Variants in HPS1 observed in about 807,000 individuals in gnomAD.
The protein encoded by HPS1 is HPS1 biogenesis of lysosomal organelles complex 3 subunit 1, also known as BLOC-3 complex member HPS1.
In HPS1, 59 loss-of-function variants were observed where a neutral mutation model predicts 90.6. That is an observed-to-expected ratio of 0.65 (90% CI 0.53 to 0.81). The LOEUF (loss-of-function observed/expected upper bound fraction) is 0.81. HPS1 is among the 30% of genes least tolerant of loss of function. HPS1 has a pLI of 0.00. For synonymous variants in HPS1, 388 were observed against 384.4 expected (o/e 1.01, Z -0.11); for missense variants, 849 against 896.7 (o/e 0.95, Z 0.68).
At chr10:98,425,155 G>A (rs1481134622) in intron 13 of HPS1, among the ~76,000 whole-genome samples, 2 of 152,160 alleles carry the variant, frequency 1.3e-5, no homozygotes, top group Non-Finnish European at 2.9e-5. Context: ...TGAGCCCGGG[G>A]ACACAGCCCC....
In HPS1 at chr10:98,417,645, G is replaced by A. The variant is rs1414731753; in HGVS notation, c.2022C>T (p.Val674=). Residue 674 remains valine, a synonymous_variant, in exon 20 of 20, where the codon GTC becomes GTT. Transcript: ENST00000361490. This position sits in a 1 kb window ranked among gnomAD's most constrained non-coding sequence, Gnocchi z 4.2. The stretch of plus-strand genomic sequence containing the variant: ...GCTGCACCAGCAGGTCAGTGGGGAT[G>A]ACAGACAGGTGCAGGGCCAGCAGCT... ...CYELLALHLS[V]IPTDLLVQQA... is the part of the protein sequence containing the mutation. 1 of 1,613,780 alleles carries A rather than the reference G, an allele frequency of 6.2e-7. No individual in the cohort carries two copies. The highest frequency in any genetic ancestry group is 8.5e-7 in the Non-Finnish European group (1 of 1,179,962).
chr10:98,421,766 C>A (rs1564830614), intron 17 of HPS1, among the ~76,000 whole-genome samples: 1 of 152,190 alleles, frequency 6.6e-6, no homozygotes, highest in Non-Finnish European at 1.5e-5. Flanking sequence ...CTTCATAACT[C>A]TGTGATGTAA....
At chr10:98,438,646 T>C (rs192017239) in intron 3 of HPS1, among the ~76,000 whole-genome samples, 2 of 152,304 alleles carry the variant, frequency 1.3e-5, no homozygotes, top group East Asian at 1.9e-4. Context: ...TTGGGACTTA[T>C]GTTTAAAAGG....
intron 14 of HPS1, 122 bp from the exon 15 acceptor site, chr10:98,424,009 A>T (rs1480638447): frequency 1.2e-5 from 16 of 1,357,074 alleles, no homozygotes; most frequent in Non-Finnish European, 1.5e-5. Flanking sequence ...CCCCTTGTGG[A>T]CCACCCCACT....
At chr10:98,434,461 G>A (rs1407886455) in intron 5 of HPS1, among the ~76,000 whole-genome samples, 1 of 149,870 alleles carries the variant, frequency 6.7e-6, no homozygotes, top group Non-Finnish European at 1.5e-5. Context: ...CAGCCATCTC[G>A]GATGCTGGCA....
In HPS1 at chr10:98,445,708, G is replaced by T; in HGVS notation, c.-105-304C>A. Among the ~76,000 whole-genome samples, 1 of 152,216 alleles carries T rather than the reference G, an allele frequency of 6.6e-6. No homozygotes were observed. Among genetic ancestry groups the T allele is most frequent in the East Asian group, 1.9e-4 (1 of 5,186 alleles). On this transcript the variant is annotated intron_variant, in intron 1 of 19. Transcript: ENST00000361490. The surrounding 1 kb of genome is among the most constrained non-coding windows in gnomAD (Gnocchi z 4.5). Reference sequence around the variant, plus strand: ...AGAGCTCCCCAAGCAGCCCCAGGGAGCTTGCTAGGAGTGACTGACGGGAGA... The same window carrying T: ...AGAGCTCCCCAAGCAGCCCCAGGGATCTTGCTAGGAGTGACTGACGGGAGA...
chr10:98,414,861 C>G, downstream of HPS1: 1 of 1,226,150 alleles, frequency 8.2e-7, no homozygotes, highest in Non-Finnish European at 1.1e-6. Context: ...CTTTCCATTG[C>G]AGCCCCTGCT....
At chr10:98,429,249 G>T in intron 10 of HPS1, 1 of 1,148,104 alleles carries the variant, frequency 8.7e-7, no homozygotes, top group East Asian at 4.4e-5. Context: ...GAAATTAGAT[G>T]ATTATTACTA....
intron 7 of HPS1, 106 bp downstream of exon 7, chr10:98,431,024 GA>G: frequency 8.6e-7 from 1 of 1,164,900 alleles, no homozygotes; most frequent in Non-Finnish European, 1.3e-6. Context: ...AGGCTTCATG[GA>G]GGAGGTGATT....
intron 3 of HPS1, among the ~76,000 whole-genome samples, chr10:98,441,001 G>A (rs1355023661): frequency 6.6e-6 from 1 of 152,176 alleles, no homozygotes; most frequent in South Asian, 2.1e-4. Flanking sequence ...TATGATCTCT[G>A]ATATCTTGTG....
At chr10:98,442,425 TC>T (rs1312128182) in intron 3 of HPS1, 7 of 155,338 alleles carry the variant, frequency 4.5e-5, no homozygotes, top group African/African-American at 1.7e-4. Context: ...TCAAAGCTTA[TC>T]AAATTATGCA....
intron 11 of HPS1, among the ~76,000 whole-genome samples, chr10:98,426,873 A>G (rs986083161): frequency 6.6e-6 from 1 of 151,976 alleles, no homozygotes; most frequent in South Asian, 2.1e-4. Flanking sequence ...TCCCTTTTTT[A>G]TAGTTTACTT....
Position 98,434,003 on chromosome 10 carries a change from C to T in HPS1, c.487G>A (p.Glu163Lys), listed in dbSNP as rs866348644. Residue 163 changes from glutamate (E) to lysine (K), a missense_variant, in exon 6 of 20, where the codon GAG (glutamate) becomes AAG (lysine). Glu to Lys is a moderately conservative substitution (Grantham distance 56). Transcript: ENST00000361490. ...GTCACCTCCACGGCGAAGCACTGCT[C>T]CTGCTCCCGCAGGCGGCTGTAGGTC... Reference protein sequence around the residue: ...LWTYSRLREQEQCFAVEALER... With the variant: ...LWTYSRLREQKQCFAVEALER... The T allele has an allele frequency of 4.5e-6, 7 of 1,558,934 alleles. No homozygotes were observed. The highest frequency in any genetic ancestry group is 6.1e-6 in the Non-Finnish European group (7 of 1,151,182).
intron 2 of HPS1, 52 bp from the exon 3 acceptor site, chr10:98,443,292 G>C: frequency 7.3e-7 from 1 of 1,365,300 alleles, no homozygotes. Context: ...ACATCTATGA[G>C]CTCAGTCTGA....
chr10:98,433,988 C>A lies in HPS1; in HGVS notation c.502G>T (p.Val168Leu), dbSNP rs1406885199. 1 of 1,557,386 alleles carries A rather than the reference C, an allele frequency of 6.4e-7. No homozygotes were observed. The highest frequency in any genetic ancestry group is 1.4e-5 in the African/African-American group (1 of 73,608). ...RLREQEQCFA[V>L]EALERLIHPQ... ...CTCCCGCGCCCAGTAGTCACCTCCA[C>A]GGCGAAGCACTGCTCCTGCTCCCGC... The change falls in exon 6 of 20, where the codon GTG (valine) becomes TTG (leucine). Residue 168 changes from valine (V) to leucine (L), a missense_variant. Transcript: ENST00000361490.
intron 10 of HPS1, among the ~76,000 whole-genome samples, chr10:98,428,479 G>A (rs1481314273): frequency 1.3e-5 from 2 of 152,184 alleles, no homozygotes; most frequent in Admixed American, 1.3e-4. Flanking sequence ...GAACTCACCT[G>A]GGAAAATTTC....
intron 17 of HPS1, among the ~76,000 whole-genome samples, chr10:98,421,969 C>CACACACACAG (rs928298099): frequency 5.9e-5 from 8 of 135,224 alleles, no homozygotes; most frequent in Non-Finnish European, 1.5e-5. Context: ...GAAAAGAACA[C>CACACACACAG]ACACACACAG....
intron 5 of HPS1, among the ~76,000 whole-genome samples, chr10:98,434,498 T>C (rs573111085): frequency 6.6e-6 from 1 of 150,854 alleles, no homozygotes; most frequent in East Asian, 1.9e-4. Context: ...CTGTGATTCA[T>C]GTAACAGGCA....
At position 98,417,867 on chromosome 10, in the gene HPS1, G is replaced by T; in HGVS notation, c.1941-141C>A. The T allele has an allele frequency of 1.3e-6, 1 of 775,766 alleles. No individual in the cohort carries two copies. Among genetic ancestry groups the T allele is most frequent in the South Asian group, 1.7e-5 (1 of 59,816 alleles). 48.1% of individuals were successfully genotyped at this position (775,766 alleles called of 1,614,324 possible). A position where few individuals can be genotyped will look rare whatever the true frequency, so the allele number is the denominator to read the frequency against. On this transcript the variant is annotated intron_variant, in intron 19 of 19. Transcript: ENST00000361490. This position sits in a 1 kb window ranked among gnomAD's most constrained non-coding sequence, Gnocchi z 4.2. ...CCCCTGCATGTGGGCCTTGACAACC[G>T]CTCCGGTTCCTCACTGACCTAACAG...
Sources: allele counts gnomAD v4.1 joint callset (sites outside exome capture counted in the v4.1 genomes callset), GRCh38; gene constraint gnomAD v4.1.1; non-coding constraint Gnocchi (gnomAD v3.1); transcripts MANE v1.5; gene names NCBI Gene and HGNC (gene_info 2026-07-23, HGNC 2026-07-21).